Variants in ATP6V0A1 observed in about 807,000 individuals in gnomAD.
ATP6V0A1 encodes the protein ATPase H+ transporting V0 subunit a1, also known as V-type proton ATPase 116 kDa subunit a 1.
ATP6V0A1 carries 43 observed loss-of-function variants against 105.4 expected under a neutral mutation model. That is an observed-to-expected ratio of 0.41 (90% CI 0.32 to 0.53). The LOEUF is 0.53. Among genes scored for constraint, ATP6V0A1 ranks in the 20% least tolerant of loss-of-function variants. The pLI is 0.30. For missense variants in ATP6V0A1, 676 were observed against 1,051.1 expected (o/e 0.64, Z 4.93); for synonymous variants, 362 against 372.8 (o/e 0.97, Z 0.33).
chr17:42,483,696 C>T (rs1199861112), intron 9 of ATP6V0A1, among the ~76,000 whole-genome samples: 1 of 152,178 alleles, frequency 6.6e-6, no homozygotes, highest in Non-Finnish European at 1.5e-5. Flanking sequence ...ATTCTCCTGC[C>T]TCATCCTCCC....
At position 42,470,078 on chromosome 17, in the gene ATP6V0A1, T is replaced by G. The variant is rs1261926087; in HGVS notation, c.295-12T>G. The G allele has an allele frequency of 6.3e-7, 1 of 1,588,048 alleles. No individual in the cohort carries two copies. Among genetic ancestry groups the G allele is most frequent in the South Asian group, 1.1e-5 (1 of 88,272 alleles). ...TTGAGCTTAGCTTAATATATTTTCT[T>G]ATTTCATCTAGGCCAATTTTGAGAA... On this transcript the variant is annotated splice_polypyrimidine_tract_variant and intron_variant, in intron 4 of 21. Coordinates refer to ENST00000343619, the MANE Select transcript of ATP6V0A1 (RefSeq NM_001130021.3).
chr17:42,463,194 A>G (rs2086647828), intron 2 of ATP6V0A1, among the ~76,000 whole-genome samples: 1 of 150,032 alleles, frequency 6.7e-6, no homozygotes, highest in African/African-American at 2.5e-5. Flanking sequence ...TTTAGTAGAG[A>G]TGGAGTTTCA....
rs150048224 is a variant in ATP6V0A1, at chr17:42,492,535, C to A, written c.1175-1799C>A. On this transcript the variant is annotated intron_variant, in intron 11 of 21. Coordinates refer to ENST00000343619, the MANE Select transcript of ATP6V0A1 (RefSeq NM_001130021.3). ...CAGCCTGACCAACATGGAGAAACCC[C>A]GTCTCTACTAAAAATACAAAATCAG... Among the ~76,000 whole-genome samples the A allele has an allele frequency of 5.9e-3, 856 of 146,008 alleles. 7 individuals carry two copies. The highest frequency in any genetic ancestry group is 0.021 in the African/African-American group (828 of 39,282).
At chr17:42,505,417 G>A (rs2091955363) in intron 17 of ATP6V0A1, among the ~76,000 whole-genome samples, 1 of 151,400 alleles carries the variant, frequency 6.6e-6, no homozygotes, top group Non-Finnish European at 1.5e-5. Flanking sequence ...TGTTGGCCAG[G>A]CTGGTCTTGA....
In ATP6V0A1 at chr17:42,490,562, A is replaced by G; in HGVS notation, c.1099A>G (p.Thr367Ala). ...CCAGACTCCCCCAACCTATAACAAAACCAACAAGTTTACCTATGGCTTTCA... is the reference window on the plus strand; with the variant it reads ...CCAGACTCCCCCAACCTATAACAAAGCCAACAAGTTTACCTATGGCTTTCA... ...TNQTPPTYNK[T>A]NKFTYGFQNI... The change falls in exon 11 of 22, where the codon ACC becomes GCC. Residue 367 changes from threonine to alanine, a missense_variant. By Grantham distance (58) the Thr-to-Ala change is moderately conservative. This residue lies in a region of ATP6V0A1 where 435 missense variants were observed against 642.2 expected (regional missense o/e 0.68). Transcript: ENST00000343619. 1 of 1,613,832 alleles carries G rather than the reference A, an allele frequency of 6.2e-7. No individual in the cohort carries two copies. The highest frequency in any genetic ancestry group is 1.1e-5 in the South Asian group (1 of 91,034).
chr17:42,481,545 A>G (rs770296088), intron 8 of ATP6V0A1, among the ~76,000 whole-genome samples: 12 of 152,088 alleles, frequency 7.9e-5, no homozygotes, highest in Non-Finnish European at 1.3e-4. Flanking sequence ...AAAAAATACC[A>G]TCAGAACCAC....
chr17:42,487,115 T>C, intron 9 of ATP6V0A1, 40 bp from the exon 10 acceptor site: 2 of 1,587,608 alleles, frequency 1.3e-6, no homozygotes, highest in Non-Finnish European at 1.7e-6. Context: ...CTAAAACTGG[T>C]GTTAAAAGGA....
intron 10 of ATP6V0A1, among the ~76,000 whole-genome samples, chr17:42,489,670 G>C (rs2090449889): frequency 6.6e-6 from 1 of 152,114 alleles, no homozygotes; most frequent in Admixed American, 6.6e-5. Context: ...GGAGAATTAG[G>C]GTTCCAATGA....
intron 19 of ATP6V0A1, 67 bp from the exon 20 acceptor site, chr17:42,513,794 C>A: frequency 6.8e-7 from 1 of 1,473,400 alleles, no homozygotes. Flanking sequence ...CAAGTAGCCA[C>A]AACTCAGAAT....
At chr17:42,480,912 CATTTTT>C (rs1183458969) in intron 8 of ATP6V0A1, 163 bp downstream of exon 8, 2 of 584,878 alleles carry the variant, frequency 3.4e-6, no homozygotes, top group Non-Finnish European at 5.5e-6. Context: ...AGCCTGCATT[CATTTTT>C]ATTTTTATTT....
intron 10 of ATP6V0A1, among the ~76,000 whole-genome samples, chr17:42,487,588 C>T (rs961642992): frequency 2.6e-5 from 4 of 151,950 alleles, no homozygotes; most frequent in African/African-American, 4.8e-5. Context: ...ATTAGCCGGG[C>T]GTGTTGGCAG....
At chr17:42,482,895 CAAAA>C (rs71359573) in intron 8 of ATP6V0A1, 139 bp from the exon 9 acceptor site, 269 of 148,036 alleles carry the variant, frequency 1.8e-3, no homozygotes, top group East Asian at 4.3e-3. Flanking sequence ...AACTCTGTCT[CAAAA>C]AAAAAAAAAA....
rs776587929 is a variant in ATP6V0A1 at position 42,500,911 on chromosome 17, G to A, written c.1884G>A (p.Leu628=). 3 of 1,612,644 alleles carry A rather than the reference G, an allele frequency of 1.9e-6. No homozygotes were observed. The highest frequency in any genetic ancestry group is 3.3e-5 in the Admixed American group (2 of 59,998). The part of the protein sequence containing the change: ...FSYPESGYSM[L]YSGQKGIQCF... The stretch of plus-strand genomic sequence containing the variant: ...ACCCAGAGTCTGGTTATTCAATGTT[G>A]TATTCTGGACAGGTACGTCAGCCCA... The change falls in exon 16 of 22, where the codon TTG becomes TTA. Residue 628 remains leucine (L), a synonymous_variant. Coordinates refer to ENST00000343619, the MANE Select transcript of ATP6V0A1 (RefSeq NM_001130021.3).
chr17:42,503,571 T>C (rs2091838472), intron 17 of ATP6V0A1, among the ~76,000 whole-genome samples: 2 of 152,222 alleles, frequency 1.3e-5, no homozygotes, highest in South Asian at 4.1e-4. Flanking sequence ...AACAAAATCT[T>C]ACAATGCACA....
intron 19 of ATP6V0A1, chr17:42,509,654 A>G (rs1348292765): frequency 3.3e-5 from 5 of 152,342 alleles, no homozygotes; most frequent in African/African-American, 1.2e-4. Context: ...GAGGAGCCCA[A>G]CCCTTTCCCT....
chr17:42,511,191 C>T (rs1377025191), intron 19 of ATP6V0A1: 1 of 152,222 alleles, frequency 6.6e-6, no homozygotes, highest in East Asian at 1.9e-4. Flanking sequence ...GCAATCCCAC[C>T]AGAAAGATGC....
chr17:42,496,472 C>T (rs1485914788), intron 14 of ATP6V0A1: 1 of 151,448 alleles, frequency 6.6e-6, no homozygotes, highest in Non-Finnish European at 1.5e-5. Flanking sequence ...ATGATCAAGT[C>T]TTCTTTATTG....
chr17:42,468,633 T>C (rs1040025072), intron 4 of ATP6V0A1, among the ~76,000 whole-genome samples: 3 of 152,192 alleles, frequency 2.0e-5, no homozygotes, highest in Admixed American at 2.0e-4. Flanking sequence ...TGAAAACTTG[T>C]ATTATTTGTC....
At chr17:42,489,854 G>T (rs910760406) in intron 10 of ATP6V0A1, among the ~76,000 whole-genome samples, 2 of 151,612 alleles carry the variant, frequency 1.3e-5, no homozygotes, top group Admixed American at 6.6e-5. Flanking sequence ...GTCATAGAGA[G>T]AAAAAAAAGG....
Sources: allele counts gnomAD v4.1 joint callset (sites outside exome capture counted in the v4.1 genomes callset), GRCh38; gene constraint gnomAD v4.1.1; regional missense constraint gnomAD v4.1.1; transcripts MANE v1.5; gene names NCBI Gene and HGNC (gene_info 2026-07-23, HGNC 2026-07-21).